Variants in RANBP2 observed in about 807,000 individuals in gnomAD.
RANBP2 encodes E3 SUMO-protein ligase RanBP2.
RANBP2 carries 57 observed loss-of-function variants against 303.6 expected under a neutral mutation model. The ratio of observed to expected loss-of-function variants is 0.19; its 90% CI spans 0.15 to 0.23. The LOEUF (loss-of-function observed/expected upper bound fraction) is 0.23. Ranked by LOEUF, RANBP2 falls within the 10% of genes least tolerant of loss-of-function variation. The pLI is 1.00. For synonymous variants in RANBP2, 1,167 were observed against 1,301.5 expected (o/e 0.90, Z 2.23); for missense variants, 3,138 against 3,780.8 (o/e 0.83, Z 4.46).
chr2:109,619,328 C>T, the RANBP2 span, among the ~76,000 whole-genome samples: 1 of 152,172 alleles, frequency 6.6e-6, no homozygotes, highest in Non-Finnish European at 1.5e-5. Flanking sequence ...AATACCTCCA[C>T]CACTACCTAA....
the RANBP2 span, chr2:109,794,610 G>GCGGCGGCGGCGGCGGC: frequency 5.3e-6 from 1 of 190,340 alleles, no homozygotes; most frequent in Non-Finnish European, 7.2e-6. Flanking sequence ...GGCGGCGGCG[G>GCGGCGGCGGCGGCGGC]GGGGGGCGGC....
chr2:109,038,024 A>G, the RANBP2 span, among the ~76,000 whole-genome samples: 1 of 152,246 alleles, frequency 6.6e-6, no homozygotes, highest in African/African-American at 2.4e-5. Flanking sequence ...AAGTAGGAGG[A>G]GCCAGTCTAT....
chr2:108,913,018 G>A, the RANBP2 span, among the ~76,000 whole-genome samples: 3 of 149,646 alleles, frequency 2.0e-5, no homozygotes, highest in Non-Finnish European at 3.0e-5. Context: ...GCGTGATCTC[G>A]GCTCACTGCA....
At chr2:109,473,646 A>G in the RANBP2 span, among the ~76,000 whole-genome samples, 2 of 152,074 alleles carry the variant, frequency 1.3e-5, no homozygotes, top group Non-Finnish European at 2.9e-5. Flanking sequence ...GGGATGAGGG[A>G]GCATATGTGT....
the RANBP2 span, among the ~76,000 whole-genome samples, chr2:109,331,676 G>C: frequency 6.6e-6 from 1 of 152,124 alleles, no homozygotes; most frequent in Non-Finnish European, 1.5e-5. Context: ...AGGTAGAGAT[G>C]TTTTTATCTA....
chr2:108,839,415 CCTAT>C, the RANBP2 span: 1 of 848,398 alleles, frequency 1.2e-6, no homozygotes, highest in South Asian at 2.4e-5. Context: ...AATAATCTTC[CCTAT>C]CTATGTCTTG....
the RANBP2 span, among the ~76,000 whole-genome samples, chr2:109,519,305 A>G: frequency 6.6e-6 from 1 of 152,138 alleles, no homozygotes; most frequent in Non-Finnish European, 1.5e-5. Flanking sequence ...AAACCCTTAG[A>G]AACTGCCCCC....
At chr2:109,314,194 A>G in the RANBP2 span, among the ~76,000 whole-genome samples, 1 of 152,216 alleles carries the variant, frequency 6.6e-6, no homozygotes, top group Non-Finnish European at 1.5e-5. Flanking sequence ...GTGGGTGTCC[A>G]GAGATGGGGG....
chr2:108,880,801 TG>T, the RANBP2 span, among the ~76,000 whole-genome samples: 2 of 152,214 alleles, frequency 1.3e-5, no homozygotes, highest in Non-Finnish European at 2.9e-5. Flanking sequence ...GTGCACCCAG[TG>T]ACCAAAGAGC....
chr2:108,838,356 A>G, the RANBP2 span, among the ~76,000 whole-genome samples: 60 of 152,218 alleles, frequency 3.9e-4, 3 homozygotes, highest in Non-Finnish European at 2.9e-5. Flanking sequence ...TATACACACA[A>G]TACACTCATA....
At chr2:109,257,759 G>A in the RANBP2 span, among the ~76,000 whole-genome samples, 1 of 152,166 alleles carries the variant, frequency 6.6e-6, no homozygotes, top group Non-Finnish European at 1.5e-5. Flanking sequence ...GGGGCCCCAA[G>A]TGCAGAAACA....
the RANBP2 span, among the ~76,000 whole-genome samples, chr2:108,952,072 T>C: frequency 6.6e-6 from 1 of 152,358 alleles, no homozygotes; most frequent in African/African-American, 2.4e-5. Flanking sequence ...ATTTGTTTGT[T>C]TGACGGAAGG....
At chr2:109,051,545 T>G in the RANBP2 span, among the ~76,000 whole-genome samples, 1 of 152,138 alleles carries the variant, frequency 6.6e-6, no homozygotes, top group Non-Finnish European at 1.5e-5. Flanking sequence ...GTTTCTTGGG[T>G]CAAACCAATA....
At chr2:109,452,945 C>T in the RANBP2 span, among the ~76,000 whole-genome samples, 4 of 149,040 alleles carry the variant, frequency 2.7e-5, no homozygotes, top group East Asian at 2.0e-4. Flanking sequence ...AGGCTGGTGC[C>T]GGGAGGCTGG....
At chr2:109,070,290 C>T in the RANBP2 span, among the ~76,000 whole-genome samples, 5 of 152,164 alleles carry the variant, frequency 3.3e-5, no homozygotes, top group South Asian at 1.0e-3. Flanking sequence ...AATGGGAAGT[C>T]ATTGAAATAT....
At chr2:109,325,656 T>A in the RANBP2 span, among the ~76,000 whole-genome samples, 1 of 152,216 alleles carries the variant, frequency 6.6e-6, no homozygotes, top group Non-Finnish European at 1.5e-5. Context: ...TTCTCAGCAC[T>A]GATCGCTAGA....
chr2:109,199,016 G>A, the RANBP2 span, among the ~76,000 whole-genome samples: 1 of 152,078 alleles, frequency 6.6e-6, no homozygotes, highest in Non-Finnish European at 1.5e-5. Flanking sequence ...GTATTTACAT[G>A]GTGGCCTTAA....
the RANBP2 span, chr2:108,839,101 T>C: frequency 3.6e-6 from 5 of 1,390,568 alleles, no homozygotes; most frequent in Non-Finnish European, 4.8e-6. Flanking sequence ...TTTTTAAAGA[T>C]AATTTTGGAA....
chr2:109,747,818 T>C, the RANBP2 span, among the ~76,000 whole-genome samples: 2 of 142,074 alleles, frequency 1.4e-5, no homozygotes, highest in East Asian at 4.0e-4. Context: ...GAATGTACTG[T>C]CTAAGGTAAA....
Sources: gnomAD v4.1 joint callset for allele counts (sites outside exome capture counted in the v4.1 genomes callset) on GRCh38, gnomAD v4.1.1 for gene constraint, MANE v1.5 for transcripts, NCBI Gene and HGNC (gene_info 2026-07-23, HGNC 2026-07-21) for gene names.